SHANK2: variants seen among roughly 807,000 people sequenced by gnomAD.
SHANK2 encodes the protein SH3 and multiple ankyrin repeat domains 2.
SHANK2 carries 43 observed loss-of-function variants against 133.7 expected under a neutral mutation model. The ratio of observed to expected loss-of-function variants is 0.32; its 90% CI spans 0.25 to 0.41. The LOEUF (loss-of-function observed/expected upper bound fraction) is 0.41. Ranked by LOEUF, SHANK2 falls within the 10% of genes least tolerant of loss-of-function variation. The probability of loss-of-function intolerance (pLI) is 1.00; values close to 1 mark genes in which losing one functional copy is unlikely to be tolerated. For missense variants in SHANK2, 1,994 were observed against 2,235.8 expected, an observed-to-expected ratio of 0.89 and a Z score of 2.18; for synonymous variants, 1,017 against 952.8, an observed-to-expected ratio of 1.07 and a Z score of -1.24.
intron 17 of SHANK2, among the ~76,000 whole-genome samples, chr11:70,639,328 T>A (rs2061147501): frequency 1.3e-5 from 2 of 152,264 alleles, no homozygotes; most frequent in African/African-American, 4.8e-5. Flanking sequence ...GAAATGTATT[T>A]CTCACCATGC....
chr11:70,891,285 C>A (rs1221810170), intron 11 of SHANK2, among the ~76,000 whole-genome samples: 1 of 152,252 alleles, frequency 6.6e-6, no homozygotes, highest in Non-Finnish European at 1.5e-5. Context: ...GAGGCCGAGG[C>A]GGGCAGATCA....
In SHANK2 at chr11:70,718,804, G is replaced by A. The variant is rs11237275; in HGVS notation, c.1778-20041C>T. On this transcript the variant is annotated intron_variant, in intron 14 of 25. Coordinates refer to ENST00000601538, the MANE Select transcript of SHANK2 (RefSeq NM_012309.5). ...TTTCAGTGGGTTAGAAAACGGATTA[G>A]AAGGGGTTGGGGATACTCAATGGAT... Among the ~76,000 whole-genome samples, 13 of 146,700 alleles carry A rather than the reference G, an allele frequency of 8.9e-5. No individual in the cohort carries two copies. In the South Asian group the frequency reaches 2.8e-3, roughly 32 times the overall value.
intron 2 of SHANK2, among the ~76,000 whole-genome samples, chr11:71,174,435 A>C (rs1397904128): frequency 6.6e-6 from 1 of 152,030 alleles, no homozygotes; most frequent in Non-Finnish European, 1.5e-5. Context: ...TAATCCCAGC[A>C]CTTTGGGAGG....
At chr11:70,539,505 C>T (rs1279865423) in intron 17 of SHANK2, among the ~76,000 whole-genome samples, 2 of 146,532 alleles carry the variant, frequency 1.4e-5, no homozygotes, top group Non-Finnish European at 3.0e-5. Context: ...ACGCTCACCA[C>T]GCTCACTCGC....
chr11:70,728,162 G>A (rs1446479292), intron 14 of SHANK2, among the ~76,000 whole-genome samples: 1 of 152,196 alleles, frequency 6.6e-6, no homozygotes, highest in Non-Finnish European at 1.5e-5. Context: ...GAGCCATGGG[G>A]TTAAACCGAC....
At chr11:71,181,834 C>T (rs1458583313) in intron 2 of SHANK2, among the ~76,000 whole-genome samples, 2 of 152,044 alleles carry the variant, frequency 1.3e-5, no homozygotes, top group African/African-American at 2.4e-5. Flanking sequence ...CCCCCTCCCC[C>T]GCCAACCCAG....
chr11:70,755,413 C>A (rs1489090453), intron 14 of SHANK2, among the ~76,000 whole-genome samples: 1 of 152,254 alleles, frequency 6.6e-6, no homozygotes, highest in Non-Finnish European at 1.5e-5. Context: ...CCTCCAGGGG[C>A]TTCCTGCAGA....
chr11:71,231,043 CCA>C (rs1314353158), intron 1 of SHANK2, among the ~76,000 whole-genome samples: 1 of 152,112 alleles, frequency 6.6e-6, no homozygotes, highest in Non-Finnish European at 1.5e-5. Context: ...AAAGCACAAT[CCA>C]CATACAAAAA....
intron 17 of SHANK2, among the ~76,000 whole-genome samples, chr11:70,637,230 A>C (rs1475928631): frequency 6.6e-6 from 1 of 152,144 alleles, no homozygotes; most frequent in Non-Finnish European, 1.5e-5. Context: ...AGTGCCTGTC[A>C]ATCTGTGCAG....
chr11:70,925,225 C>T (rs1291112939), intron 10 of SHANK2, among the ~76,000 whole-genome samples: 1 of 152,088 alleles, frequency 6.6e-6, no homozygotes, highest in Admixed American at 6.5e-5. Flanking sequence ...AAATATATGC[C>T]CTATTTCATC....
rs964790397 is a variant in SHANK2, at chr11:71,059,747, C to T, written c.1030-3189G>A. On this transcript the variant is annotated intron_variant, in intron 9 of 25. Transcript: ENST00000601538. ...CGCTCACTTGGGAGACACAGGTGGG[C>T]GGATCTGAGTTGGGTAGTAAAGGCC... is the stretch of plus-strand genomic sequence containing the variant. Among the ~76,000 whole-genome samples, 87 of 152,254 alleles carry T rather than the reference C, an allele frequency of 5.7e-4. 1 individual carries two copies. Among genetic ancestry groups the T allele is most frequent in the African/African-American group, 2.0e-3 (84 of 41,536 alleles).
intron 14 of SHANK2, among the ~76,000 whole-genome samples, chr11:70,740,031 TG>T (rs1481638259): frequency 6.6e-6 from 1 of 152,122 alleles, no homozygotes; most frequent in East Asian, 1.9e-4. Flanking sequence ...GCAGGAATTT[TG>T]GGATTGTTAA....
chr11:71,098,534 A>AG (rs1951666281), intron 6 of SHANK2, among the ~76,000 whole-genome samples: 1 of 152,340 alleles, frequency 6.6e-6, no homozygotes, highest in African/African-American at 2.4e-5. Context: ...ATGTGAGAGA[A>AG]GACCACAGAA....
chr11:70,786,669 G>A (rs77380122), intron 14 of SHANK2, among the ~76,000 whole-genome samples: 3,311 of 152,188 alleles, frequency 0.022, 45 homozygotes, highest in Non-Finnish European at 0.036. Context: ...GGGATGTGAG[G>A]AAAGAAATGA....
intron 14 of SHANK2, among the ~76,000 whole-genome samples, chr11:70,710,832 G>C (rs1162985720): frequency 5.3e-5 from 8 of 152,206 alleles, no homozygotes; most frequent in Non-Finnish European, 7.4e-5. Flanking sequence ...GCCTGACTTT[G>C]GACTCACAGA....
At chr11:71,162,700 A>G (rs142281408) in intron 2 of SHANK2, among the ~76,000 whole-genome samples, 229 of 152,334 alleles carry the variant, frequency 1.5e-3, no homozygotes, top group African/African-American at 5.4e-3. Context: ...TCACCTATCT[A>G]TAGCCCAACT....
chr11:71,234,290 A>G (rs1206721704), intron 1 of SHANK2, among the ~76,000 whole-genome samples: 1 of 148,972 alleles, frequency 6.7e-6, no homozygotes, highest in Non-Finnish European at 1.5e-5. Context: ...TGAACCTGGG[A>G]GGCGGAGGCT....
chr11:70,743,254 C>T (rs569466543), intron 14 of SHANK2, among the ~76,000 whole-genome samples: 1 of 152,232 alleles, frequency 6.6e-6, no homozygotes, highest in Admixed American at 6.5e-5. Flanking sequence ...GCGTGCCCCC[C>T]CCAGTTCATA....
chr11:70,937,020 CT>C (rs1950581089), intron 10 of SHANK2, among the ~76,000 whole-genome samples: 1 of 152,176 alleles, frequency 6.6e-6, no homozygotes, highest in South Asian at 2.1e-4. Context: ...TTAGCTGTCG[CT>C]TTTAAGTTGG....
Sources: gnomAD v4.1 joint callset for allele counts (sites outside exome capture counted in the v4.1 genomes callset) on GRCh38, gnomAD v4.1.1 for gene constraint, MANE v1.5 for transcripts, NCBI Gene and HGNC (gene_info 2026-07-23, HGNC 2026-07-21) for gene names.